Variants in MDN1 observed in about 807,000 individuals in gnomAD.
MDN1 encodes the protein midasin.
A neutral mutation model predicts 669.2 loss-of-function variants in MDN1; 266 were observed. The ratio of observed to expected loss-of-function variants is 0.40; its 90% CI spans 0.36 to 0.44. MDN1 has a LOEUF of 0.44. Among genes scored for constraint, MDN1 ranks in the 20% least tolerant of loss-of-function variants. The probability of loss-of-function intolerance (pLI) is 1.00; values close to 1 mark genes in which losing one functional copy is unlikely to be tolerated. For synonymous variants in MDN1, 2,385 were observed against 2,457.1 expected (o/e 0.97, Z 0.87); for missense variants, 5,940 against 6,754.0 (o/e 0.88, Z 4.22).
chr6:89,781,352 C>CA (rs753221984), intron 10 of MDN1, 47 bp downstream of exon 10: 5,343 of 1,308,698 alleles, frequency 4.1e-3, no homozygotes, highest in Non-Finnish European at 4.7e-3. Context: ...ATCTGTCTCA[C>CA]AAAAAAAAAA....
chr6:89,684,438 G>C (rs1811867860), intron 71 of MDN1, among the ~76,000 whole-genome samples: 1 of 150,412 alleles, frequency 6.6e-6, no homozygotes, highest in Admixed American at 6.6e-5. Context: ...TAAGTCACCT[G>C]ACATATACTC....
intron 17 of MDN1, among the ~76,000 whole-genome samples, chr6:89,760,940 C>T (rs1817512181): frequency 6.6e-6 from 1 of 152,166 alleles, no homozygotes; most frequent in Admixed American, 6.5e-5. Context: ...GCTGGCAGAT[C>T]ACGAGGTCAG....
chr6:89,693,229 C>T (rs1003128636), intron 62 of MDN1, 81 bp from the exon 63 acceptor site: 18 of 997,806 alleles, frequency 1.8e-5, no homozygotes, highest in South Asian at 3.4e-5. Context: ...CTAGGAAAAC[C>T]GAAGGAAGAA....
chr6:89,810,861 G>C (rs187027448), intron 1 of MDN1, among the ~76,000 whole-genome samples: 70 of 152,214 alleles, frequency 4.6e-4, no homozygotes, highest in Non-Finnish European at 4.7e-4. Context: ...AGCTGGGCAT[G>C]GTGGCACACA....
At chr6:89,754,027 C>G in intron 21 of MDN1, 56 bp downstream of exon 21, 2 of 1,557,074 alleles carry the variant, frequency 1.3e-6, no homozygotes, top group Non-Finnish European at 1.7e-6. Flanking sequence ...CTATTCCTTC[C>G]TTCCCATGAA....
At position 89,757,767 on chromosome 6, in the gene MDN1, C is replaced by T. The variant is rs764759810; in HGVS notation, c.2702+488G>A. On this transcript the variant is annotated intron_variant, in intron 19 of 101. Coordinates refer to ENST00000369393, the MANE Select transcript of MDN1 (RefSeq NM_014611.3). ...TGCTAAAAATACAAAAACTTGAGGC[C>T]GGGCGCACTGGCTCACACCTGTAAT... 3.9e-5 allele frequency among the ~76,000 whole-genome samples: 6 copies of T among 151,972 alleles called. No homozygotes were observed. In the South Asian group the frequency reaches 8.3e-4, roughly 21 times the overall value.
intron 33 of MDN1, 61 bp downstream of exon 33, chr6:89,738,265 C>A: frequency 6.3e-7 from 1 of 1,579,738 alleles, no homozygotes. Context: ...AGAGATCCCT[C>A]AACTCCCAAC....
intron 40 of MDN1, among the ~76,000 whole-genome samples, chr6:89,722,239 T>C (rs958728042): frequency 3.3e-5 from 5 of 152,254 alleles, no homozygotes; most frequent in Middle Eastern, 6.3e-3. Flanking sequence ...ATTCTCTCTT[T>C]ATACGATTAT....
intron 96 of MDN1, 57 bp downstream of exon 96, chr6:89,650,675 C>T: frequency 7.4e-7 from 1 of 1,353,670 alleles, no homozygotes; most frequent in Non-Finnish European, 1.0e-6. Context: ...TCAACAGAAT[C>T]AATGAAGCTG....
chr6:89,793,710 C>T lies in MDN1; in HGVS notation c.855+52G>A, dbSNP rs139417032. The T allele has an allele frequency of 4.1e-6, 6 of 1,476,428 alleles. No individual in the cohort carries two copies. In the African/African-American group the frequency reaches 5.6e-5, roughly 14 times the overall value. 91.5% of individuals were successfully genotyped at this position (1,476,428 alleles called of 1,614,324 possible). On this transcript the variant is annotated intron_variant, in intron 5 of 101. Coordinates refer to ENST00000369393, the MANE Select transcript of MDN1 (RefSeq NM_014611.3). ...AGAACCCAGCCAAAGACAGAGCACA[C>T]TCAGTGTTTAGTAGGGGGAAGGGGA...
chr6:89,810,853 C>T (rs1768370491), intron 1 of MDN1, among the ~76,000 whole-genome samples: 1 of 152,122 alleles, frequency 6.6e-6, no homozygotes, highest in African/African-American at 2.4e-5. Context: ...CAAAAATTAG[C>T]TGGGCATGGT....
chr6:89,680,879 A>C (rs932991457), intron 73 of MDN1, 128 bp from the exon 74 acceptor site: 21 of 987,198 alleles, frequency 2.1e-5, no homozygotes, highest in Non-Finnish European at 2.6e-5. Context: ...CAAATGTAGC[A>C]TCACTAAAAT....
Position 89,674,180 on chromosome 6 carries a change from G to C in MDN1, c.13171C>G (p.Leu4391Val). The C allele has an allele frequency of 6.2e-7, 1 of 1,614,192 alleles. No individual in the cohort carries two copies. The highest frequency in any genetic ancestry group is 8.5e-7 in the Non-Finnish European group (1 of 1,180,048). Residue 4391 changes from leucine (L) to valine (V), a missense_variant, in exon 79 of 102, where the codon CTA becomes GTA. Physicochemically the swap from Leu to Val is conservative, Grantham distance 32. Coordinates refer to ENST00000369393, the MANE Select transcript of MDN1 (RefSeq NM_014611.3). ...QQSTTRLTEM[L>V]KTIKTVKADV... ...GCTTTCACTGTTTTAATGGTTTTTA[G>C]CATCTCTGTTAATCTCGTAGTTGAC...
Position 89,701,894 on chromosome 6 carries a change from T to C in MDN1, c.8306+10A>G, listed in dbSNP as rs758127968. 1.2e-6 allele frequency: 2 copies of C among 1,606,732 alleles called. No homozygotes were observed. Among genetic ancestry groups the C allele is most frequent in the Non-Finnish European group, 1.7e-6 (2 of 1,177,586 alleles). On this transcript the variant is annotated intron_variant, in intron 54 of 101. Coordinates refer to ENST00000369393, the MANE Select transcript of MDN1 (RefSeq NM_014611.3). ...ATCATTGACATTATTACTCTAAATA[T>C]GAATCTTACTTGTCTTCATAATTCA...
At chr6:89,730,617 T>TA (rs1387487018) in intron 35 of MDN1, 109 bp downstream of exon 35, 1 of 804,676 alleles carries the variant, frequency 1.2e-6, no homozygotes, top group African/African-American at 1.7e-5. Context: ...CTAACTCAGT[T>TA]AGTGCAAATA....
chr6:89,688,113 G>T lies in MDN1; in HGVS notation c.11320C>A (p.Leu3774Met). 1 of 1,614,130 alleles carries T rather than the reference G, an allele frequency of 6.2e-7. No homozygotes were observed. The highest frequency in any genetic ancestry group is 1.1e-5 in the South Asian group (1 of 91,072). The change falls in exon 67 of 102, where the codon CTG becomes ATG. Residue 3774 changes from leucine to methionine, a missense_variant. Coordinates refer to ENST00000369393, the MANE Select transcript of MDN1 (RefSeq NM_014611.3). ...GCCAGAAGGATCTCTAAGCCATTCA[G>T]GAACTTTGAGATGGGACTGGAAAGT... ...FPLSSPISKF[L>M]NGLEILLAKA...
chr6:89,731,018 A>G, intron 34 of MDN1, 95 bp from the exon 35 acceptor site: 1 of 1,101,430 alleles, frequency 9.1e-7, no homozygotes, highest in East Asian at 2.5e-5. Context: ...CGGAAAAAAG[A>G]GGCCTCAGCA....
chr6:89,699,518 AAAAT>A, intron 58 of MDN1, 79 bp downstream of exon 58: 2 of 1,456,210 alleles, frequency 1.4e-6, no homozygotes, highest in Non-Finnish European at 1.8e-6. Flanking sequence ...GAGAATAAAT[AAAAT>A]GTTTCCCAAC....
intron 83 of MDN1, among the ~76,000 whole-genome samples, chr6:89,670,162 A>ATTTTTTT (rs1562061975): frequency 1.3e-4 from 3 of 22,292 alleles, no homozygotes; most frequent in African/African-American, 6.0e-4. Flanking sequence ...ATATATATAT[A>ATTTTTTT]TATATATATT....
Sources: gnomAD v4.1 joint callset for allele counts (sites outside exome capture counted in the v4.1 genomes callset) on GRCh38, gnomAD v4.1.1 for gene constraint, MANE v1.5 for transcripts, NCBI Gene and HGNC (gene_info 2026-07-23, HGNC 2026-07-21) for gene names.